The following RALGAPA1 variants were observed in gnomAD, a reference collection of about 807,000 sequenced individuals.
RALGAPA1 encodes ral GTPase-activating protein subunit alpha-1.
RALGAPA1 carries 52 observed loss-of-function variants against 269.6 expected under a neutral mutation model. The observed-to-expected ratio is 0.19, with a 90% confidence interval of 0.15 to 0.24. The LOEUF (loss-of-function observed/expected upper bound fraction) is 0.24. RALGAPA1 is among the 10% of genes least tolerant of loss of function. The pLI, the probability that RALGAPA1 is intolerant of heterozygous loss-of-function variation, is 1.00. For missense variants in RALGAPA1, 1,917 were observed against 3,013.9 expected (o/e 0.64, Z 8.52); for synonymous variants, 817 against 1,008.3 (o/e 0.81, Z 3.60).
In RALGAPA1 at chr14:35,614,293, T is replaced by C. The variant is rs117680037; in HGVS notation, c.6930-8584A>G. Reference sequence around the variant, plus strand: ...ATGTTCACAGCAGCATTATTCATATTCGCCCAAAAGTGAAACCAACTGAAA... The same window carrying C: ...ATGTTCACAGCAGCATTATTCATATCCGCCCAAAAGTGAAACCAACTGAAA... On this transcript the variant is annotated intron_variant, in intron 35 of 41. Transcript: ENST00000680220. Among the ~76,000 whole-genome samples the C allele has an allele frequency of 2.7e-4, 41 of 152,298 alleles. No homozygotes were observed. In the East Asian group the frequency reaches 6.6e-3, roughly 24 times the overall value.
At chr14:35,756,721 G>A in intron 7 of RALGAPA1, 72 bp downstream of exon 7, 1 of 1,078,970 alleles carries the variant, frequency 9.3e-7, no homozygotes, top group South Asian at 1.6e-5. Context: ...ACAGAATAAT[G>A]GTAAGAGACA....
At position 35,748,680 on chromosome 14, in the gene RALGAPA1, T is replaced by C. The variant is rs199526418; in HGVS notation, c.1156A>G (p.Ile386Val). The C allele has an allele frequency of 2.7e-5, 43 of 1,613,568 alleles. No homozygotes were observed. In the Admixed American group the frequency reaches 5.2e-4, roughly 19 times the overall value. ...REPSSSSLCSIDEEHLTDIEI... is the reference protein window; with the variant it reads ...REPSSSSLCSVDEEHLTDIEI... ...ATGTCTGTGAGATGTTCTTCATCAA[T>C]ACTACAGAGACTAGATGAGCTAGGT... The change falls in exon 10 of 42, where the codon ATT becomes GTT. Residue 386 changes from isoleucine (I) to valine (V), a missense_variant. By Grantham distance (29) the Ile-to-Val change is conservative. Transcript: ENST00000680220.
chr14:35,701,311 C>A (rs1310186187), intron 16 of RALGAPA1, among the ~76,000 whole-genome samples: 1 of 152,098 alleles, frequency 6.6e-6, no homozygotes, highest in Non-Finnish European at 1.5e-5. Context: ...GTAATGGTGG[C>A]AAAATAAATA....
intron 37 of RALGAPA1, among the ~76,000 whole-genome samples, chr14:35,590,846 G>T (rs1049190111): frequency 2.6e-5 from 4 of 152,128 alleles, no homozygotes; most frequent in African/African-American, 9.7e-5. Flanking sequence ...TTGATATCAG[G>T]CAACAGAGTA....
At chr14:35,632,499 C>T (rs140364742) in intron 33 of RALGAPA1, among the ~76,000 whole-genome samples, 1 of 152,254 alleles carries the variant, frequency 6.6e-6, no homozygotes, top group Non-Finnish European at 1.5e-5. Context: ...ATTCACTGCA[C>T]TGTAATAGAA....
chr14:35,713,471 A>T lies in RALGAPA1; in HGVS notation c.2266+8217T>A, dbSNP rs574266733. Among the ~76,000 whole-genome samples the T allele has an allele frequency of 2.0e-5, 3 of 152,212 alleles. No individual in the cohort carries two copies. In the East Asian group the frequency reaches 5.8e-4, roughly 29 times the overall value. ...TCAGGTTCCATTAGTGTCTTCTTAAACTCACAGTACTCAACATTTCCAAAT... is the reference window on the plus strand; with the variant it reads ...TCAGGTTCCATTAGTGTCTTCTTAATCTCACAGTACTCAACATTTCCAAAT... On this transcript the variant is annotated intron_variant, in intron 16 of 41. Transcript: ENST00000680220.
At chr14:35,805,962 A>G (rs2077346184) in intron 1 of RALGAPA1, among the ~76,000 whole-genome samples, 1 of 152,128 alleles carries the variant, frequency 6.6e-6, no homozygotes, top group African/African-American at 2.4e-5. Flanking sequence ...TCCTGGGATT[A>G]CAGGCATGAG....
At chr14:35,739,789 G>A (rs1413835143) in intron 11 of RALGAPA1, among the ~76,000 whole-genome samples, 1 of 151,896 alleles carries the variant, frequency 6.6e-6, no homozygotes, top group Admixed American at 6.6e-5. Flanking sequence ...TTCCTAACTG[G>A]TCTCCTTGCC....
intron 25 of RALGAPA1, among the ~76,000 whole-genome samples, chr14:35,672,556 A>G (rs568908433): frequency 1.3e-4 from 20 of 152,278 alleles, no homozygotes; most frequent in African/African-American, 4.3e-4. Flanking sequence ...TAGGTACATT[A>G]GAATATTATT....
intron 26 of RALGAPA1, among the ~76,000 whole-genome samples, chr14:35,667,459 T>C (rs1468078224): frequency 6.6e-6 from 1 of 152,220 alleles, no homozygotes; most frequent in Non-Finnish European, 1.5e-5. Flanking sequence ...ATCTGATTCC[T>C]GGCATTCAAG....
At chr14:35,692,617 C>T (rs2066579012) in intron 17 of RALGAPA1, among the ~76,000 whole-genome samples, 1 of 149,170 alleles carries the variant, frequency 6.7e-6, no homozygotes, top group South Asian at 2.1e-4. Context: ...TATTGTAGTA[C>T]CGGAGAATTT....
At chr14:35,769,371 A>G (rs1026928140) in intron 4 of RALGAPA1, among the ~76,000 whole-genome samples, 1 of 152,022 alleles carries the variant, frequency 6.6e-6, no homozygotes, top group Admixed American at 6.6e-5. Context: ...AATATCATAT[A>G]CTCTCATTTG....
chr14:35,758,694 G>A lies in RALGAPA1; in HGVS notation c.548-1786C>T, dbSNP rs569407620. ...TTCAAGGCTACAGTGCATTATGATC[G>A]CACCTGTGAATAGCCACTGCACTCT... On this transcript the variant is annotated intron_variant, in intron 6 of 41. Coordinates refer to ENST00000680220, the MANE Select transcript of RALGAPA1 (RefSeq NM_001346249.2). 3.9e-5 allele frequency among the ~76,000 whole-genome samples: 6 copies of A among 152,036 alleles called. No individual in the cohort carries two copies. In the South Asian group the frequency reaches 8.3e-4, roughly 21 times the overall value.
At chr14:35,583,923 G>T (rs573267436) in intron 37 of RALGAPA1, among the ~76,000 whole-genome samples, 2 of 152,268 alleles carry the variant, frequency 1.3e-5, no homozygotes, top group Admixed American at 1.3e-4. Flanking sequence ...GAGGGAATTT[G>T]CAGCCTGTAG....
intron 7 of RALGAPA1, 194 bp downstream of exon 7, chr14:35,756,599 T>C: frequency 2.8e-6 from 1 of 358,384 alleles, no homozygotes; most frequent in South Asian, 4.7e-5. Flanking sequence ...CCACCATCAC[T>C]TGGTTGATTA....
At chr14:35,761,426 A>G (rs1461077363) in intron 5 of RALGAPA1, among the ~76,000 whole-genome samples, 1 of 152,208 alleles carries the variant, frequency 6.6e-6, no homozygotes, top group African/African-American at 2.4e-5. Context: ...ATCCTGGCAC[A>G]CTGCGAATTC....
chr14:35,686,047 ATTTGTGC>A (rs2140408032), intron 19 of RALGAPA1, among the ~76,000 whole-genome samples: 1 of 152,224 alleles, frequency 6.6e-6, no homozygotes, highest in East Asian at 1.9e-4. Context: ...GTTAAGCAGT[ATTTGTGC>A]TAGCAAAACT....
At chr14:35,663,645 A>G (rs1453818197) in intron 27 of RALGAPA1, among the ~76,000 whole-genome samples, 2 of 145,540 alleles carry the variant, frequency 1.4e-5, no homozygotes, top group African/African-American at 2.6e-5. Flanking sequence ...GCTGGAGTGC[A>G]GTGGCGCAAT....
At chr14:35,711,814 C>A (rs2068368743) in intron 16 of RALGAPA1, among the ~76,000 whole-genome samples, 1 of 152,172 alleles carries the variant, frequency 6.6e-6, no homozygotes, top group African/African-American at 2.4e-5. Context: ...CACTTTCCAG[C>A]TAGACATACT....
Sources: allele counts gnomAD v4.1 joint callset (sites outside exome capture counted in the v4.1 genomes callset), GRCh38; gene constraint gnomAD v4.1.1; transcripts MANE v1.5; gene names NCBI Gene and HGNC (gene_info 2026-07-23, HGNC 2026-07-21).